CCDC141: variants seen among roughly 807,000 people sequenced by gnomAD.
The protein encoded by CCDC141 is coiled-coil domain containing 141.
Under a neutral mutation model 181.0 loss-of-function variants are expected in CCDC141, and 168 were observed. The observed-to-expected ratio is 0.93, with a 90% CI of 0.82 to 1.05. The LOEUF (loss-of-function observed/expected upper bound fraction) is 1.05. Ranked by LOEUF, CCDC141 falls within the 50% of genes least tolerant of loss-of-function variation. The probability of loss-of-function intolerance (pLI) is 0.00; values close to 1 mark genes in which losing one functional copy is unlikely to be tolerated. For synonymous variants in CCDC141, 666 were observed against 642.3 expected, an observed-to-expected ratio of 1.04 and a Z score of -0.56; for missense variants, 1,902 against 1,788.5, an observed-to-expected ratio of 1.06 and a Z score of -1.14.
rs571266609 is a variant in CCDC141 at position 178,961,610 on chromosome 2, G to A, written c.527-127C>T. ...TAATAAAAAACAAGTTGTGCTGCAA[G>A]GAATTAAAATATGTAAACAGAAACT... is the stretch of plus-strand genomic sequence containing the variant. On this transcript the variant is annotated intron_variant, in intron 4 of 23. Transcript: ENST00000443758. 8.4e-6 allele frequency: 7 copies of A among 835,378 alleles called. No individual in the cohort carries two copies. In the African/African-American group the frequency reaches 1.0e-4, roughly 12 times the overall value. The allele number at this position is 835,378 out of a possible 1,614,324, so 51.7% of individuals were successfully genotyped here.
Position 178,829,883 on chromosome 2 carries a change from A to G in CCDC141, c.*4290T>C, listed in dbSNP as rs1212681942. On this transcript the variant is annotated 3_prime_UTR_variant, in exon 24 of 24. Coordinates refer to ENST00000443758, the MANE Select transcript of CCDC141 (RefSeq NM_173648.4). ...TTTTTAGTAAGAAATGGTCATGAAT[A>G]AAGACAAACATAAAGCAGAACAAAA... The G allele has an allele frequency of 6.6e-6, 1 of 152,252 alleles. No individual in the cohort carries two copies. The allele number at this position is 152,252 out of a possible 1,614,324, so 9.4% of individuals were successfully genotyped here.
At chr2:179,041,648 G>A (rs558471894) in intron 2 of CCDC141, among the ~76,000 whole-genome samples, 3 of 151,860 alleles carry the variant, frequency 2.0e-5, no homozygotes, top group South Asian at 2.1e-4. Context: ...AAGATCCATT[G>A]GTATGCTGTC....
rs1684380640 is a variant in CCDC141 at position 178,834,261 on chromosome 2, C to A, written c.4505G>T (p.Cys1502Phe). ...SNVILHVTGN[C>F]RLPITRVNWI... ...GTTTACTCTTGTGATTGGCAGCCTGCAGTTACCTGTCACGTGGAGGATGAC... is the reference window on the plus strand; with the variant it reads ...GTTTACTCTTGTGATTGGCAGCCTGAAGTTACCTGTCACGTGGAGGATGAC... The change falls in exon 24 of 24, where the codon TGC becomes TTC. Residue 1502 changes from cysteine to phenylalanine, a missense_variant. Coordinates refer to ENST00000443758, the MANE Select transcript of CCDC141 (RefSeq NM_173648.4). 6.5e-7 allele frequency: 1 copy of A among 1,536,134 alleles called. No homozygotes were observed. The highest frequency in any genetic ancestry group is 8.7e-7 in the Non-Finnish European group (1 of 1,146,858).
intron 8 of CCDC141, among the ~76,000 whole-genome samples, chr2:178,895,319 T>G (rs1044334210): frequency 6.6e-6 from 1 of 152,132 alleles, no homozygotes; most frequent in Non-Finnish European, 1.5e-5. Context: ...TTTGTCCTCT[T>G]CTCCCTAAAC....
chr2:178,862,513 A>G (rs1467164519), intron 17 of CCDC141, among the ~76,000 whole-genome samples: 1 of 152,248 alleles, frequency 6.6e-6, no homozygotes, highest in African/African-American at 2.4e-5. Context: ...GTGTCATGTA[A>G]TATGGCAGAG....
rs981464047 is a variant in CCDC141, at chr2:178,833,048, CTT to C, written c.*1123_*1124del. The C allele has an allele frequency of 2.8e-4, 43 of 152,216 alleles. 1 individual carries two copies. The highest frequency in any genetic ancestry group is 1.0e-3 in the African/African-American group (43 of 41,554). The allele number at this position is 152,216 out of a possible 1,614,324, so 9.4% of individuals were successfully genotyped here. On this transcript the variant is annotated 3_prime_UTR_variant, in exon 24 of 24. Transcript: ENST00000443758. Reference sequence around the variant, plus strand: ...TATCCTCCTGAGTTTAATTTCAAGTCTTTGAAAAGAATGCAGTCTTCAGAAAT... The same window carrying C: ...TATCCTCCTGAGTTTAATTTCAAGTCTGAAAAGAATGCAGTCTTCAGAAAT...
At position 178,837,022 on chromosome 2, in the gene CCDC141, G is replaced by A. The variant is rs753413189; in HGVS notation, c.4197C>T (p.Ser1399=). The A allele has an allele frequency of 1.5e-5, 24 of 1,613,890 alleles. No individual in the cohort carries two copies. The Admixed American group carries it at 2.2e-4, about 15-fold the overall frequency. ...CCTGGTCAGCTAGGCTGACCACGCT[G>A]CTCTTTGCTGATGTGCTTTTAATCT... The part of the protein sequence containing the change: ...REEIKSTSAK[S]SVVSLADQAP... Residue 1399 remains serine (S), a synonymous_variant, in exon 23 of 24, where the codon AGC becomes AGT. Transcript: ENST00000443758.
intron 7 of CCDC141, among the ~76,000 whole-genome samples, chr2:178,916,432 A>T (rs887855566): frequency 2.6e-5 from 4 of 151,904 alleles, no homozygotes; most frequent in African/African-American, 9.7e-5. Context: ...AAAAAGAAAA[A>T]TACCATTTAT....
At chr2:178,955,685 C>T (rs1017431896) in intron 5 of CCDC141, among the ~76,000 whole-genome samples, 4 of 151,830 alleles carry the variant, frequency 2.6e-5, no homozygotes, top group Admixed American at 2.0e-4. Flanking sequence ...ACTATGCTCA[C>T]GCTTGGATAA....
rs141003457 is a variant in CCDC141, at chr2:178,884,953, T to C, written c.1667A>G (p.Tyr556Cys). Residue 556 changes from tyrosine (Y) to cysteine (C), a missense_variant, in exon 11 of 24, where the codon TAT becomes TGT. Physicochemically the swap from Tyr to Cys is radical, Grantham distance 194. Coordinates refer to ENST00000443758, the MANE Select transcript of CCDC141 (RefSeq NM_173648.4). Reference protein sequence around the residue: ...ELNLFGQSIDYRSQVLQTYVA... With the variant: ...ELNLFGQSIDCRSQVLQTYVA... ...GTAAGTTTGCAGGACTTGCGATCTA[T>C]AGTCAATGCTTTGGCCAAATAGGTT... is the stretch of plus-strand genomic sequence containing the variant. 2.2e-3 allele frequency: 3,398 copies of C among 1,550,450 alleles called. 65 individuals carry two copies. In the African/African-American group the frequency reaches 0.039, roughly 18 times the overall value.
intron 2 of CCDC141, among the ~76,000 whole-genome samples, chr2:178,982,872 G>A (rs1691499225): frequency 1.3e-5 from 2 of 152,196 alleles, no homozygotes; most frequent in African/African-American, 2.4e-5. Context: ...CTGCAAGGCG[G>A]CAGCCAGGCT....
In CCDC141 at chr2:178,865,927, C is replaced by A; in HGVS notation, c.2575-11G>T. ...AACATTAGAGCAGTGCTAAAAGAGA[C>A]AAATGGTGGTAACAGAGAGAAAGGA... On this transcript the variant is annotated splice_polypyrimidine_tract_variant and intron_variant, in intron 16 of 23. Coordinates refer to ENST00000443758, the MANE Select transcript of CCDC141 (RefSeq NM_173648.4). The A allele has an allele frequency of 6.6e-7, 1 of 1,505,938 alleles. No individual in the cohort carries two copies. 93.3% of individuals were successfully genotyped at this position (1,505,938 alleles called of 1,614,324 possible). A position where few individuals can be genotyped will look rare whatever the true frequency, so the allele number is the denominator to read the frequency against.
chr2:178,877,263 T>C (rs1686393426), intron 12 of CCDC141: 1 of 152,204 alleles, frequency 6.6e-6, no homozygotes, highest in Non-Finnish European at 1.5e-5. Context: ...AAATTAAATA[T>C]GAATACTTTT....
chr2:178,878,887 C>T (rs62177293), intron 11 of CCDC141, among the ~76,000 whole-genome samples: 1,848 of 152,042 alleles, frequency 0.012, 17 homozygotes, highest in Non-Finnish European at 0.02. Context: ...TGGAATCAGA[C>T]GATACAAATC....
At position 179,015,419 on chromosome 2, in the gene CCDC141, A is replaced by G. The variant is rs1247274133; in HGVS notation, c.225+31865T>C. 2.1e-5 allele frequency among the ~76,000 whole-genome samples: 3 copies of G among 141,058 alleles called. No homozygotes were observed. In the East Asian group the frequency reaches 6.5e-4, roughly 30 times the overall value. 92.5% of individuals were successfully genotyped at this position (141,058 alleles called of 152,430 possible). A position where few individuals can be genotyped will look rare whatever the true frequency, so the allele number is the denominator to read the frequency against. On this transcript the variant is annotated intron_variant, in intron 2 of 23. Coordinates refer to ENST00000443758, the MANE Select transcript of CCDC141 (RefSeq NM_173648.4). ...CATATATCTCATATATGTACCATAT[A>G]TCTCATATATGTACCATATATATCT... is the stretch of plus-strand genomic sequence containing the variant.
intron 2 of CCDC141, among the ~76,000 whole-genome samples, chr2:179,038,205 C>T (rs2043197059): frequency 6.6e-6 from 1 of 152,146 alleles, no homozygotes; most frequent in South Asian, 2.1e-4. Flanking sequence ...AGGTCTGATA[C>T]ATGCTGCAAA....
chr2:178,920,723 C>T (rs1329939561), intron 6 of CCDC141, among the ~76,000 whole-genome samples: 1 of 151,904 alleles, frequency 6.6e-6, no homozygotes, highest in Non-Finnish European at 1.5e-5. Flanking sequence ...CACACACACA[C>T]ACACACTCAA....
intron 5 of CCDC141, among the ~76,000 whole-genome samples, chr2:178,953,895 G>A (rs1233746471): frequency 6.6e-6 from 1 of 152,172 alleles, no homozygotes; most frequent in East Asian, 1.9e-4. Flanking sequence ...CAAGATTGGT[G>A]CCCAGAGGCT....
chr2:179,044,056 A>G (rs1460196168), intron 2 of CCDC141, among the ~76,000 whole-genome samples: 2 of 152,184 alleles, frequency 1.3e-5, no homozygotes, highest in African/African-American at 4.8e-5. Context: ...CCCATTCACA[A>G]TTGCCACAAA....
Sources: allele counts gnomAD v4.1 joint callset (sites outside exome capture counted in the v4.1 genomes callset), GRCh38; gene constraint gnomAD v4.1.1; transcripts MANE v1.5; gene names NCBI Gene and HGNC (gene_info 2026-07-23, HGNC 2026-07-21).